BRF1: variants seen among roughly 807,000 people sequenced by gnomAD.
BRF1 encodes the protein BRF1 general transcription factor IIIB subunit.
In BRF1, 59 loss-of-function variants were observed where a neutral mutation model predicts 81.7. The ratio of observed to expected loss-of-function variants is 0.72; its 90% CI spans 0.59 to 0.90. The LOEUF (loss-of-function observed/expected upper bound fraction) is 0.90. BRF1 is among the 40% of genes least tolerant of loss of function. The pLI is 0.00. For missense variants in BRF1, 1,050 were observed against 936.3 expected (o/e 1.12, Z -1.58); for synonymous variants, 491 against 395.6 (o/e 1.24, Z -2.86).
intron 15 of BRF1, chr14:105,212,485 G>T: frequency 3.0e-6 from 1 of 333,472 alleles, no homozygotes; most frequent in Non-Finnish European, 5.6e-6. Flanking sequence ...ACCTCACTCA[G>T]GGAGGAGGGG....
upstream of BRF1, among the ~76,000 whole-genome samples, chr14:105,304,613 G>T (rs893267490): frequency 6.6e-6 from 1 of 152,220 alleles, no homozygotes; most frequent in Non-Finnish European, 1.5e-5. Context: ...GGGGTGCTAT[G>T]GTCTGAATGT....
At chr14:105,248,572 G>GGCGGGCGGGTACGGGC in intron 5 of BRF1, 1 of 266,656 alleles carries the variant, frequency 3.8e-6, no homozygotes, top group Non-Finnish European at 4.6e-6. Context: ...TACGGGCTCG[G>GGCGGGCGGGTACGGGC]GCGGGCGGGC....
At chr14:105,260,522 C>T (rs915735332) in intron 3 of BRF1, among the ~76,000 whole-genome samples, 1 of 152,098 alleles carries the variant, frequency 6.6e-6, no homozygotes, top group African/African-American at 2.4e-5. Context: ...CAGGCATGCA[C>T]CACCATGCCT....
intron 5 of BRF1, chr14:105,247,618 G>C (rs1295257113): frequency 2.1e-5 from 21 of 985,266 alleles, no homozygotes; most frequent in Non-Finnish European, 2.4e-5. Flanking sequence ...TCACTGTTTA[G>C]CCCAGGACTG....
intron 1 of BRF1, among the ~76,000 whole-genome samples, chr14:105,310,296 C>T (rs888870125): frequency 1.1e-4 from 16 of 150,340 alleles, no homozygotes; most frequent in Non-Finnish European, 2.1e-4. Context: ...TTTGGGAGGT[C>T]GAGGCGGGCG....
intron 1 of BRF1, among the ~76,000 whole-genome samples, chr14:105,288,669 T>C (rs1164518188): frequency 6.8e-6 from 1 of 146,272 alleles, no homozygotes; most frequent in Non-Finnish European, 1.5e-5. Context: ...AGTTTCGCTC[T>C]GTCACCCAGG....
intron 5 of BRF1, among the ~76,000 whole-genome samples, chr14:105,243,134 C>A (rs2054824541): frequency 6.7e-6 from 1 of 149,902 alleles, no homozygotes; most frequent in Admixed American, 6.6e-5. Context: ...AACAAACAAA[C>A]AAACAAAAAA....
rs2141342155 is a variant in BRF1 at position 105,211,181 on chromosome 14, T to C, written c.1937A>G (p.Glu646Gly). Reference sequence around the variant, plus strand: ...GGGCTCCCCGTCCTCCTCGTCAGGCTCCTCCTCGTCAGCCTCCTCGTCGGC... The same window carrying C: ...GGGCTCCCCGTCCTCCTCGTCAGGCCCCTCCTCGTCAGCCTCCTCGTCGGC... ...YHADEEADEEEPDEEDGEPCV... is the reference protein window; with the variant it reads ...YHADEEADEEGPDEEDGEPCV... The change falls in exon 17 of 18, where the codon GAG becomes GGG. Residue 646 changes from glutamate to glycine, a missense_variant. Physicochemically the swap from Glu to Gly is moderately conservative, Grantham distance 98. Around this residue, in one of 2 missense-constraint regions of BRF1, gnomAD observed 1,043 missense variants for 915.4 expected, o/e 1.14. Transcript: ENST00000547530. 1 of 1,611,966 alleles carries C rather than the reference T, an allele frequency of 6.2e-7. No individual in the cohort carries two copies. The highest frequency in any genetic ancestry group is 8.5e-7 in the Non-Finnish European group (1 of 1,179,602).
chr14:105,215,717 C>T (rs1891065947), intron 15 of BRF1, among the ~76,000 whole-genome samples: 1 of 118,288 alleles, frequency 8.5e-6, no homozygotes, highest in African/African-American at 5.5e-5. Context: ...CAGGCACACA[C>T]ACACATGCAC....
chr14:105,221,729 G>A lies in BRF1; in HGVS notation c.1234C>T (p.Leu412=). 1 of 1,610,496 alleles carries A rather than the reference G, an allele frequency of 6.2e-7. No homozygotes were observed. The highest frequency in any genetic ancestry group is 8.5e-7 in the Non-Finnish European group (1 of 1,179,522). The change falls in exon 11 of 18, where the codon CTG becomes TTG. Residue 412 remains leucine (L), a synonymous_variant. Transcript: ENST00000547530. ...CTGGCTGCAGTGGGGAGGGGGTCCA[G>A]CAGGGACCCCAGGGCCGGAGGTCTG... The part of the protein sequence containing the change: ...GGRPPALGSL[L]DPLPTAASLG...
chr14:105,275,369 G>A (rs1313238205), intron 2 of BRF1, among the ~76,000 whole-genome samples: 4 of 152,242 alleles, frequency 2.6e-5, no homozygotes, highest in Non-Finnish European at 5.9e-5. Context: ...AGCTGACGTG[G>A]AAGGCTGGTC....
chr14:105,211,897 A>T, intron 16 of BRF1: 1 of 645,828 alleles, frequency 1.5e-6, no homozygotes, highest in Non-Finnish European at 2.7e-6. Flanking sequence ...GCAGGCACAC[A>T]ACGGTCCCCA....
intron 15 of BRF1, among the ~76,000 whole-genome samples, chr14:105,216,985 C>T (rs1891432728): frequency 6.6e-6 from 1 of 152,224 alleles, no homozygotes; most frequent in Non-Finnish European, 1.5e-5. Context: ...AGCCGCCACC[C>T]AGCGGCAAGC....
Position 105,209,639 on chromosome 14 carries a change from C to A in BRF1, c.*912G>T, listed in dbSNP as rs1271094569. The A allele has an allele frequency of 1.4e-6, 1 of 690,258 alleles. No homozygotes were observed. Among genetic ancestry groups the A allele is most frequent in the African/African-American group, 1.8e-5 (1 of 56,976 alleles). 42.8% of individuals were successfully genotyped at this position (690,258 alleles called of 1,614,324 possible). ...GGGAGGCTCTCGGGCCTCCGTCTGC[C>A]CTCCCTCCTCGATGGGGGGCCTGAT... On this transcript the variant is annotated 3_prime_UTR_variant, in exon 18 of 18. Coordinates refer to ENST00000547530, the MANE Select transcript of BRF1 (RefSeq NM_001519.4).
chr14:105,249,578 AGGCCCAGCCCCGCGATGGGTGCTT>A, intron 5 of BRF1: 1 of 1,586,870 alleles, frequency 6.3e-7, no homozygotes, highest in Non-Finnish European at 8.6e-7. Context: ...CTCCTCTCCC[AGGCCCAGCCCCGCGATGGGTGCTT>A]GGGAGCCAGC....
chr14:105,229,456 C>G lies in BRF1; in HGVS notation c.695-543G>C, dbSNP rs147862491. ...CCGGGTAGAGTGGACTCTGTGGGCA[C>G]GAGGGTAAGGGCCCGGATGAGGAGT... On this transcript the variant is annotated intron_variant, in intron 6 of 17. Transcript: ENST00000547530. 3.5e-4 allele frequency among the ~76,000 whole-genome samples: 53 copies of G among 152,302 alleles called. No homozygotes were observed. The South Asian group carries it at 4.6e-3, about 13-fold the overall frequency.
chr14:105,209,685 C>T lies in BRF1; in HGVS notation c.*866G>A, dbSNP rs1469872635. On this transcript the variant is annotated 3_prime_UTR_variant, in exon 18 of 18. Coordinates refer to ENST00000547530, the MANE Select transcript of BRF1 (RefSeq NM_001519.4). ...CTGATCCAGCTCTGACAGGGAGCGC[C>T]ACTGCCCTCTGGCTCTGTCCACGGG... The T allele has an allele frequency of 1.5e-6, 1 of 653,818 alleles. No homozygotes were observed. The highest frequency in any genetic ancestry group is 2.2e-5 in the Admixed American group (1 of 44,578). 40.5% of individuals were successfully genotyped at this position (653,818 alleles called of 1,614,324 possible). A position where few individuals can be genotyped will look rare whatever the true frequency, so the allele number is the denominator to read the frequency against.
intron 3 of BRF1, among the ~76,000 whole-genome samples, chr14:105,264,666 C>CAAAAA (rs56970432): frequency 1.6e-5 from 1 of 60,782 alleles, no homozygotes; most frequent in African/African-American, 6.9e-5. Context: ...GACTCCATCT[C>CAAAAA]AAAAAAAAAA....
At chr14:105,247,829 G>A (rs2055226433) in intron 5 of BRF1, 3 of 985,526 alleles carry the variant, frequency 3.0e-6, no homozygotes, top group Admixed American at 6.1e-5. Flanking sequence ...CCCAGGCCAG[G>A]TGACACGGCC....
Sources: gnomAD v4.1 joint callset for allele counts (sites outside exome capture counted in the v4.1 genomes callset) on GRCh38, gnomAD v4.1.1 for gene constraint, gnomAD v4.1.1 regional missense constraint, MANE v1.5 for transcripts, NCBI Gene and HGNC (gene_info 2026-07-23, HGNC 2026-07-21) for gene names.